Variants in RABGAP1L observed in about 807,000 individuals in gnomAD.
RABGAP1L encodes rab GTPase-activating protein 1-like.
Under a neutral mutation model 137.7 loss-of-function variants are expected in RABGAP1L, and 63 were observed. That is an observed-to-expected ratio of 0.46 (90% CI 0.37 to 0.56). RABGAP1L has a LOEUF of 0.56. RABGAP1L is among the 20% of genes least tolerant of loss of function. The pLI, the probability that RABGAP1L is intolerant of heterozygous loss-of-function variation, is 0.00. For synonymous variants in RABGAP1L, 431 were observed against 433.7 expected, an observed-to-expected ratio of 0.99 and a Z score of 0.08; for missense variants, 1,095 against 1,244.0, an observed-to-expected ratio of 0.88 and a Z score of 1.80.
intron 17 of RABGAP1L, among the ~76,000 whole-genome samples, chr1:174,732,828 G>A (rs1682599990): frequency 1.3e-5 from 2 of 152,128 alleles, no homozygotes; most frequent in African/African-American, 4.8e-5. Context: ...AGCATCCAAA[G>A]GCACGAATGG....
rs552139865 is a variant in RABGAP1L at position 174,727,087 on chromosome 1, C to G, written c.2169+24831C>G. ...TTAGGCAAATAATTTCAGCCCTTAG[C>G]ACCTCTGTTTCCTTCTCCATAAGAA... On this transcript the variant is annotated intron_variant, in intron 17 of 25. Transcript: ENST00000681986. 2.0e-5 allele frequency among the ~76,000 whole-genome samples: 3 copies of G among 152,264 alleles called. No homozygotes were observed. The South Asian group carries it at 6.2e-4, about 32-fold the overall frequency.
chr1:174,868,935 G>C (rs1343501299), intron 19 of RABGAP1L, among the ~76,000 whole-genome samples: 1 of 151,958 alleles, frequency 6.6e-6, no homozygotes, highest in Non-Finnish European at 1.5e-5. Flanking sequence ...ATGGAAAATT[G>C]GTAGAGGATT....
In RABGAP1L at chr1:174,565,135, G is replaced by T. The variant is rs1160524575; in HGVS notation, c.1711-72240G>T. ...TCGTGGTTTAATAGATTGGAAGAAG[G>T]GATTATTAGATGGGATGGGTTTGGT... is the stretch of plus-strand genomic sequence containing the variant. On this transcript the variant is annotated intron_variant, in intron 13 of 25. Transcript: ENST00000681986. Among the ~76,000 whole-genome samples the T allele has an allele frequency of 6.6e-5, 10 of 152,074 alleles. 1 individual carries two copies. Among genetic ancestry groups the T allele is most frequent in the Admixed American group, 6.6e-4 (10 of 15,258 alleles).
At chr1:174,750,638 T>C (rs1245766999) in intron 17 of RABGAP1L, among the ~76,000 whole-genome samples, 3 of 152,016 alleles carry the variant, frequency 2.0e-5, no homozygotes, top group Non-Finnish European at 4.4e-5. Context: ...TGAAAGGATT[T>C]GGAAAGGAAA....
intron 11 of RABGAP1L, among the ~76,000 whole-genome samples, chr1:174,359,386 T>G (rs1278752743): frequency 6.6e-6 from 1 of 152,232 alleles, no homozygotes; most frequent in Non-Finnish European, 1.5e-5. Context: ...CACTCATGAT[T>G]ATTGGTTTCT....
At chr1:174,170,706 G>C (rs1010800297) in intron 1 of RABGAP1L, among the ~76,000 whole-genome samples, 12 of 148,004 alleles carry the variant, frequency 8.1e-5, no homozygotes, top group Middle Eastern at 3.5e-3. Context: ...CACGTAGCTT[G>C]TGAGAGGCAG....
At chr1:174,723,088 T>C (rs1391378998) in intron 17 of RABGAP1L, among the ~76,000 whole-genome samples, 1 of 152,098 alleles carries the variant, frequency 6.6e-6, no homozygotes. Flanking sequence ...TTTGTTTGTT[T>C]TTGAGAAGGA....
chr1:174,548,033 T>C (rs1666162862), intron 13 of RABGAP1L: 1 of 1,550,452 alleles, frequency 6.4e-7, no homozygotes, highest in African/African-American at 1.4e-5. Flanking sequence ...CACCAACTTA[T>C]TAAGAGGCTT....
chr1:174,192,569 G>A (rs1162651075), intron 1 of RABGAP1L, among the ~76,000 whole-genome samples: 1 of 152,092 alleles, frequency 6.6e-6, no homozygotes, highest in African/African-American at 2.4e-5. Flanking sequence ...TGATCCACCT[G>A]TCTCGGCCTC....
At chr1:174,392,342 G>A (rs573770218) in intron 12 of RABGAP1L, among the ~76,000 whole-genome samples, 15 of 152,198 alleles carry the variant, frequency 9.9e-5, no homozygotes, top group African/African-American at 2.6e-4. Flanking sequence ...TCAAAATAGC[G>A]GTTATGGAGG....
chr1:174,178,352 C>G (rs921229655), intron 1 of RABGAP1L, among the ~76,000 whole-genome samples: 2 of 152,084 alleles, frequency 1.3e-5, no homozygotes, highest in East Asian at 3.9e-4. Flanking sequence ...TGCTTATCAG[C>G]TTAAGGAGTT....
chr1:174,350,091 A>AC (rs1344346708), intron 11 of RABGAP1L, among the ~76,000 whole-genome samples: 6 of 100,532 alleles, frequency 6.0e-5, no homozygotes, highest in African/African-American at 1.6e-4. Context: ...CGGGGGGCTG[A>AC]CCCCCCCACC....
rs199883518 is a variant in RABGAP1L, at chr1:174,866,378, A to G, written c.2340+54418A>G. On this transcript the variant is annotated intron_variant, in intron 19 of 25. Transcript: ENST00000681986. Reference sequence around the variant, plus strand: ...TGACAGCTGTTTTAGAATTATGAAAATCTTTTTATTATTTTATTTTAGACC... The same window carrying G: ...TGACAGCTGTTTTAGAATTATGAAAGTCTTTTTATTATTTTATTTTAGACC... 3.9e-5 allele frequency among the ~76,000 whole-genome samples: 6 copies of G among 152,264 alleles called. No homozygotes were observed. The East Asian group carries it at 1.2e-3, about 29-fold the overall frequency.
At chr1:174,928,383 T>A (rs1316905314) in intron 19 of RABGAP1L, among the ~76,000 whole-genome samples, 1 of 152,002 alleles carries the variant, frequency 6.6e-6, no homozygotes, top group Non-Finnish European at 1.5e-5. Flanking sequence ...ACTAGACTTG[T>A]ATCTAGTATC....
At chr1:174,758,137 A>T (rs980966594) in intron 18 of RABGAP1L, among the ~76,000 whole-genome samples, 5 of 151,450 alleles carry the variant, frequency 3.3e-5, no homozygotes, top group African/African-American at 1.2e-4. Context: ...ATCTTACTTG[A>T]TCCTTCAACA....
chr1:174,954,235 A>C lies in RABGAP1L; in HGVS notation c.2341-3222A>C, dbSNP rs1017305909. ...CTTTTCCCCTCTTTCACATTGTGCC[A>C]ATCACACAGGTGGATGCTCAGTATC... On this transcript the variant is annotated intron_variant, in intron 19 of 25. Coordinates refer to ENST00000681986, the MANE Select transcript of RABGAP1L (RefSeq NM_001366446.1). The C allele has an allele frequency of 3.9e-5, 6 of 152,298 alleles. No homozygotes were observed. In the East Asian group the frequency reaches 5.8e-4, roughly 15 times the overall value. 9.4% of individuals were successfully genotyped at this position (152,298 alleles called of 1,614,324 possible).
chr1:174,896,086 A>G (rs181257126), intron 19 of RABGAP1L, among the ~76,000 whole-genome samples: 3 of 152,134 alleles, frequency 2.0e-5, no homozygotes, highest in Non-Finnish European at 2.9e-5. Context: ...CTATTTCTCC[A>G]CATCCTCTCT....
chr1:174,877,153 C>G (rs1224552338), intron 19 of RABGAP1L, among the ~76,000 whole-genome samples: 2 of 152,090 alleles, frequency 1.3e-5, no homozygotes, highest in Non-Finnish European at 2.9e-5. Context: ...TAGGATATTT[C>G]TAGTTAGGAA....
In RABGAP1L at chr1:174,828,041, G is replaced by C. The variant is rs75299700; in HGVS notation, c.2340+16081G>C. ...ACACAGGTACTTAGTTTACTTTCTA[G>C]AATTATTTACATAAAAACTTTTGTC... On this transcript the variant is annotated intron_variant, in intron 19 of 25. Transcript: ENST00000681986. Among the ~76,000 whole-genome samples, 724 of 148,192 alleles carry C rather than the reference G, an allele frequency of 4.9e-3. 53 individuals are homozygous for C. Among genetic ancestry groups the C allele is most frequent in the African/African-American group, 0.016 (667 of 40,690 alleles).
Sources: allele counts gnomAD v4.1 joint callset (sites outside exome capture counted in the v4.1 genomes callset), GRCh38; gene constraint gnomAD v4.1.1; transcripts MANE v1.5; gene names NCBI Gene and HGNC (gene_info 2026-07-23, HGNC 2026-07-21).